SLC24A2: variants seen among roughly 807,000 people sequenced by gnomAD.
The protein encoded by SLC24A2 is solute carrier family 24 member 2.
Under a neutral mutation model 62.0 loss-of-function variants are expected in SLC24A2, and 36 were observed. That is an observed-to-expected ratio of 0.58 (90% CI 0.44 to 0.77). SLC24A2 has a LOEUF of 0.77. SLC24A2 is among the 30% of genes least tolerant of loss of function. The pLI, the probability that SLC24A2 is intolerant of heterozygous loss-of-function variation, is 0.00. For synonymous variants in SLC24A2, 358 were observed against 294.0 expected, an observed-to-expected ratio of 1.22 and a Z score of -2.23; for missense variants, 846 against 817.9, an observed-to-expected ratio of 1.03 and a Z score of -0.42.
intron 2 of SLC24A2, among the ~76,000 whole-genome samples, chr9:19,674,738 T>C (rs1023311944): frequency 1.1e-4 from 17 of 152,224 alleles, no homozygotes; most frequent in Non-Finnish European, 8.8e-5. Flanking sequence ...TCTATTTCAC[T>C]GAAGATTTTT....
At chr9:20,163,429 G>C in the SLC24A2 span, among the ~76,000 whole-genome samples, 1 of 152,072 alleles carries the variant, frequency 6.6e-6, no homozygotes, top group African/African-American at 2.4e-5. Context: ...TACAAGGGAC[G>C]TGAAGGACCT....
the SLC24A2 span, among the ~76,000 whole-genome samples, chr9:19,979,996 A>G: frequency 4.6e-5 from 7 of 152,322 alleles, no homozygotes; most frequent in South Asian, 2.1e-4. Context: ...CAATTTCTCA[A>G]CTGAAGGAAC....
intron 2 of SLC24A2, among the ~76,000 whole-genome samples, chr9:19,756,162 A>G (rs1049276446): frequency 2.0e-5 from 3 of 152,132 alleles, no homozygotes; most frequent in East Asian, 3.9e-4. Context: ...GTATACAATG[A>G]TCTGCTTTCA....
At chr9:19,878,973 C>T in the SLC24A2 span, among the ~76,000 whole-genome samples, 1 of 152,058 alleles carries the variant, frequency 6.6e-6, no homozygotes, top group African/African-American at 2.4e-5. Context: ...TAATTCAAAA[C>T]ATGTTGGACT....
At chr9:19,914,507 C>T in the SLC24A2 span, among the ~76,000 whole-genome samples, 1 of 152,018 alleles carries the variant, frequency 6.6e-6, no homozygotes, top group Non-Finnish European at 1.5e-5. Context: ...TAATAATATA[C>T]ATTTCCTTCT....
the SLC24A2 span, among the ~76,000 whole-genome samples, chr9:20,085,615 C>T: frequency 6.6e-6 from 1 of 152,172 alleles, no homozygotes; most frequent in Admixed American, 6.5e-5. Flanking sequence ...TCTTTCTACT[C>T]ATTCAGTTCA....
intron 2 of SLC24A2, among the ~76,000 whole-genome samples, chr9:19,656,202 T>G (rs1174644123): frequency 3.9e-5 from 6 of 152,162 alleles, no homozygotes; most frequent in Admixed American, 3.9e-4. Context: ...TGTAAGACAC[T>G]GCAATGAACA....
chr9:19,561,436 CTTTTTTTT>C (rs10641024), intron 7 of SLC24A2, among the ~76,000 whole-genome samples: 1 of 138,206 alleles, frequency 7.2e-6, no homozygotes, highest in Non-Finnish European at 1.5e-5. Context: ...GGAAAACAGA[CTTTTTTTT>C]TTTTTTTTGA....
At chr9:20,020,185 C>T in the SLC24A2 span, among the ~76,000 whole-genome samples, 5 of 152,210 alleles carry the variant, frequency 3.3e-5, no homozygotes, top group African/African-American at 4.8e-5. Flanking sequence ...GATCTAGAAC[C>T]AGAAATACCA....
At chr9:19,872,629 C>T in the SLC24A2 span, among the ~76,000 whole-genome samples, 1 of 152,158 alleles carries the variant, frequency 6.6e-6, no homozygotes, top group Non-Finnish European at 1.5e-5. Context: ...GAACTCTGTG[C>T]TCCAATTCAG....
chr9:19,911,823 TCTTATCTCAGCACA>T, the SLC24A2 span, among the ~76,000 whole-genome samples: 5 of 152,128 alleles, frequency 3.3e-5, no homozygotes, highest in Non-Finnish European at 5.9e-5. Flanking sequence ...CTTGTCTAGA[TCTTATCTCAGCACA>T]CTGGGTTCTC....
the SLC24A2 span, among the ~76,000 whole-genome samples, chr9:20,169,051 A>G: frequency 6.6e-6 from 1 of 152,072 alleles, no homozygotes; most frequent in Non-Finnish European, 1.5e-5. Context: ...TACATATTAC[A>G]AAATAGGTGG....
At chr9:19,679,838 CTG>C (rs58253967) in intron 2 of SLC24A2, among the ~76,000 whole-genome samples, 23,534 of 142,038 alleles carry the variant, frequency 0.17, 1,791 homozygotes, top group Middle Eastern at 0.22. Context: ...CTCACATATA[CTG>C]TGTGTGTGTG....
At chr9:20,026,757 T>C in the SLC24A2 span, among the ~76,000 whole-genome samples, 3 of 152,178 alleles carry the variant, frequency 2.0e-5, no homozygotes, top group African/African-American at 7.2e-5. Context: ...TCCGTGACAT[T>C]GGTCTGGGCA....
chr9:19,980,433 G>A, the SLC24A2 span, among the ~76,000 whole-genome samples: 1 of 152,156 alleles, frequency 6.6e-6, no homozygotes, highest in Non-Finnish European at 1.5e-5. Flanking sequence ...ATCAAGTGCA[G>A]GGAAGGAAGT....
chr9:20,191,282 T>C, the SLC24A2 span, among the ~76,000 whole-genome samples: 1 of 152,114 alleles, frequency 6.6e-6, no homozygotes, highest in Non-Finnish European at 1.5e-5. Flanking sequence ...AAGTATGTAG[T>C]TTATATACTT....
the SLC24A2 span, chr9:19,928,600 A>G: frequency 5.3e-5 from 8 of 152,218 alleles, no homozygotes; most frequent in Non-Finnish European, 1.2e-4. Context: ...GACCAGTGAG[A>G]ACTGGGATTT....
chr9:20,008,107 G>A, the SLC24A2 span, among the ~76,000 whole-genome samples: 4 of 151,642 alleles, frequency 2.6e-5, no homozygotes, highest in Admixed American at 2.6e-4. Context: ...CATTGGCCAG[G>A]CTGGTCTTGA....
chr9:19,946,142 A>T, the SLC24A2 span, among the ~76,000 whole-genome samples: 4 of 152,230 alleles, frequency 2.6e-5, no homozygotes, highest in African/African-American at 9.6e-5. Flanking sequence ...ATAATTGGCC[A>T]TGAGCAAAGG....
Sources: allele counts gnomAD v4.1 joint callset (sites outside exome capture counted in the v4.1 genomes callset), GRCh38; gene constraint gnomAD v4.1.1; transcripts MANE v1.5; gene names NCBI Gene and HGNC (gene_info 2026-07-23, HGNC 2026-07-21).